ZNF638: variants seen among roughly 807,000 people sequenced by gnomAD.
The protein encoded by ZNF638 is zinc finger protein 638, also known as CTCL tumor antigen se33-1.
Under a neutral mutation model 195.6 loss-of-function variants are expected in ZNF638, and 46 were observed. The observed-to-expected ratio is 0.24, with a 90% CI of 0.19 to 0.30. ZNF638 has a LOEUF of 0.30. Among genes scored for constraint, ZNF638 ranks in the 10% least tolerant of loss-of-function variants. The pLI is 1.00. For missense variants in ZNF638, 2,440 were observed against 2,325.3 expected, an observed-to-expected ratio of 1.05 and a Z score of -1.01; for synonymous variants, 845 against 772.0, an observed-to-expected ratio of 1.09 and a Z score of -1.57.
In ZNF638 at chr2:71,408,194, A is replaced by G. The variant is rs775999084; in HGVS notation, c.3208A>G (p.Ile1070Val). The change falls in exon 20 of 28, where the codon ATT becomes GTT. Residue 1070 changes from isoleucine (I) to valine (V), a missense_variant. By Grantham distance (29) the Ile-to-Val change is conservative. Coordinates refer to ENST00000264447, the MANE Select transcript of ZNF638 (RefSeq NM_014497.5). ...YSFLKQNPQN[I>V]GDHMLTCSLS... ...CTTTCTGAAACAAAATCCACAAAAT[A>G]TTGGTGACCATATGTTGACCTGCTC... 20 of 1,613,320 alleles carry G rather than the reference A, an allele frequency of 1.2e-5. No homozygotes were observed. In the East Asian group the frequency reaches 2.5e-4, roughly 20 times the overall value.
chr2:71,402,233 A>G (rs2080021224), intron 16 of ZNF638, 146 bp downstream of exon 16: 1 of 788,524 alleles, frequency 1.3e-6, no homozygotes, highest in South Asian at 2.6e-5. Context: ...TATAAAACAC[A>G]GATATCCTGT....
intron 2 of ZNF638, among the ~76,000 whole-genome samples, chr2:71,353,051 C>T (rs1002573430): frequency 2.0e-5 from 3 of 149,032 alleles, no homozygotes; most frequent in Non-Finnish European, 4.5e-5. Context: ...CACTGCCTCT[C>T]GTTTCTGTGA....
chr2:71,371,679 A>AT (rs34316027), intron 8 of ZNF638, among the ~76,000 whole-genome samples: 2,910 of 133,144 alleles, frequency 0.022, 101 homozygotes, highest in African/African-American at 0.069. Context: ...TCTTTTGCCC[A>AT]TTTTTTTTTT....
intron 3 of ZNF638, among the ~76,000 whole-genome samples, chr2:71,359,961 C>G (rs1479193436): frequency 1.3e-5 from 2 of 152,120 alleles, no homozygotes; most frequent in African/African-American, 2.4e-5. Flanking sequence ...GCTGGGCATT[C>G]TTAGTGCTTT....
Position 71,349,897 on chromosome 2 carries a change from A to C in ZNF638, c.943A>C (p.Ile315Leu). 6.2e-7 allele frequency: 1 copy of C among 1,614,216 alleles called. No homozygotes were observed. The highest frequency in any genetic ancestry group is 8.5e-7 in the Non-Finnish European group (1 of 1,180,050). The part of the protein sequence containing the change: ...LEPIKSVNQS[I>L]NQTVSQTMSQ... ...ACCCATAAAATCCGTCAACCAATCCATTAACCAAACAGTTAGCCAGACAAT... is the reference window on the plus strand; with the variant it reads ...ACCCATAAAATCCGTCAACCAATCCCTTAACCAAACAGTTAGCCAGACAAT... Residue 315 changes from isoleucine (I) to leucine (L), a missense_variant, in exon 2 of 28, where the codon ATT becomes CTT. Ile to Leu is a conservative substitution (Grantham distance 5, BLOSUM62 2). Coordinates refer to ENST00000264447, the MANE Select transcript of ZNF638 (RefSeq NM_014497.5).
intron 1 of ZNF638, among the ~76,000 whole-genome samples, chr2:71,341,207 A>C (rs902559970): frequency 6.6e-6 from 1 of 152,294 alleles, no homozygotes; most frequent in Middle Eastern, 3.4e-3. Flanking sequence ...CCCAGTTTCT[A>C]CTATGTTTCT....
intron 1 of ZNF638, among the ~76,000 whole-genome samples, chr2:71,336,231 G>A (rs2078665046): frequency 6.6e-6 from 1 of 151,972 alleles, no homozygotes; most frequent in Admixed American, 6.6e-5. Flanking sequence ...ATTAGCTGGG[G>A]TGGTGGTGCA....
chr2:71,388,185 G>A (rs1285959205), intron 10 of ZNF638, among the ~76,000 whole-genome samples: 2 of 152,168 alleles, frequency 1.3e-5, no homozygotes, highest in South Asian at 2.1e-4. Context: ...GCAAAGCTTC[G>A]GGAGAGAATA....
rs10187889 is a variant in ZNF638, at chr2:71,418,510, G to T, written c.3262-92G>T. ...ATACATTTTTAAGGTTTTTTTTTTT[G>T]AGCTTAAATTTTTACTAAAAACATT... On this transcript the variant is annotated intron_variant, in intron 20 of 27. Coordinates refer to ENST00000264447, the MANE Select transcript of ZNF638 (RefSeq NM_014497.5). The T allele has an allele frequency of 1.5e-3, 1,066 of 708,282 alleles. 12 individuals carry two copies. The African/African-American group carries it at 0.02, about 13-fold the overall frequency. The allele number at this position is 708,282 out of a possible 1,614,324, so 43.9% of individuals were successfully genotyped here. A position where few individuals can be genotyped will look rare whatever the true frequency, so the allele number is the denominator to read the frequency against.
In ZNF638 at chr2:71,365,738, A is replaced by G. The variant is rs773940204; in HGVS notation, c.1995+32A>G. 3.9e-6 allele frequency: 6 copies of G among 1,541,548 alleles called. No individual in the cohort carries two copies. In the Admixed American group the frequency reaches 9.4e-5, roughly 24 times the overall value. On this transcript the variant is annotated intron_variant, in intron 6 of 27. Transcript: ENST00000264447. ...CTTTAATTAATAATTATTTTTAGAG[A>G]TAAGGTTTCACTCTGTCATCCTCGC...
At chr2:71,408,330 T>C in intron 20 of ZNF638, 83 bp downstream of exon 20, 6 of 1,461,646 alleles carry the variant, frequency 4.1e-6, no homozygotes, top group Non-Finnish European at 5.5e-6. Flanking sequence ...AGTCAAACTG[T>C]TTCTGTGTTT....
chr2:71,341,034 C>T (rs2078754287), intron 1 of ZNF638, among the ~76,000 whole-genome samples: 1 of 152,162 alleles, frequency 6.6e-6, no homozygotes, highest in African/African-American at 2.4e-5. Flanking sequence ...CTGCCCATAT[C>T]TGTAAAGAAA....
chr2:71,426,320 T>C, intron 23 of ZNF638, 140 bp from the exon 24 acceptor site: 1 of 623,258 alleles, frequency 1.6e-6, no homozygotes, highest in South Asian at 2.5e-5. Context: ...AAAAAACAAC[T>C]CTTAATTTTA....
Position 71,365,691 on chromosome 2 carries a change from T to A in ZNF638, c.1980T>A (p.Val660=), listed in dbSNP as rs769668188. 2.5e-6 allele frequency: 4 copies of A among 1,610,018 alleles called. No homozygotes were observed. In the South Asian group the frequency reaches 4.4e-5, roughly 18 times the overall value. ...SECKQVSDKA[V]SLQRKLRKEQ... is the part of the protein sequence containing the mutation. Reference sequence around the variant, plus strand: ...GTAAACAGGTGTCTGATAAAGCTGTTTCTCTCCAGCGAAAGGTAATTCTTT... The same window carrying A: ...GTAAACAGGTGTCTGATAAAGCTGTATCTCTCCAGCGAAAGGTAATTCTTT... Residue 660 remains valine, a synonymous_variant, in exon 6 of 28, where the codon GTT becomes GTA. Coordinates refer to ENST00000264447, the MANE Select transcript of ZNF638 (RefSeq NM_014497.5).
chr2:71,398,910 G>T, intron 12 of ZNF638, 138 bp downstream of exon 12: 1 of 753,632 alleles, frequency 1.3e-6, no homozygotes, highest in Non-Finnish European at 2.1e-6. Context: ...CCATTTTGTT[G>T]GAATTTTATC....
At chr2:71,422,735 T>C (rs1210018432) in intron 21 of ZNF638, 79 bp from the exon 22 acceptor site, 1 of 1,429,384 alleles carries the variant, frequency 7.0e-7, no homozygotes, top group Non-Finnish European at 9.4e-7. Flanking sequence ...TTCTTTATAA[T>C]GGTTGAATTC....
chr2:71,391,417 A>G (rs2079774379), intron 10 of ZNF638, among the ~76,000 whole-genome samples: 1 of 152,232 alleles, frequency 6.6e-6, no homozygotes, highest in African/African-American at 2.4e-5. Context: ...GAACAGTCCT[A>G]CCATGTGTCA....
chr2:71,399,788 A>G (rs2079969610), intron 13 of ZNF638, 143 bp downstream of exon 13: 1 of 694,428 alleles, frequency 1.4e-6, no homozygotes, highest in Non-Finnish European at 2.4e-6. Flanking sequence ...TCACCCAGAT[A>G]TTAAGCCTAG....
At chr2:71,389,366 T>A (rs2079720946) in intron 10 of ZNF638, among the ~76,000 whole-genome samples, 1 of 152,170 alleles carries the variant, frequency 6.6e-6, no homozygotes, top group African/African-American at 2.4e-5. Flanking sequence ...AGAAAAAGCA[T>A]CAGAGCAAAC....
Sources: allele counts gnomAD v4.1 joint callset (sites outside exome capture counted in the v4.1 genomes callset), GRCh38; gene constraint gnomAD v4.1.1; transcripts MANE v1.5; gene names NCBI Gene and HGNC (gene_info 2026-07-23, HGNC 2026-07-21).